EFR3B: variants seen among roughly 807,000 people sequenced by gnomAD.
The protein encoded by EFR3B is protein EFR3 homolog B.
EFR3B carries 64 observed loss-of-function variants against 104.7 expected under a neutral mutation model. That is an observed-to-expected ratio of 0.61 (90% CI 0.50 to 0.75). The LOEUF (loss-of-function observed/expected upper bound fraction) is 0.75, where lower values mean the gene tolerates loss of function less well. Ranked by LOEUF, EFR3B falls within the 30% of genes least tolerant of loss-of-function variation. EFR3B has a pLI of 0.00. For synonymous variants in EFR3B, 385 were observed against 417.9 expected (o/e 0.92, Z 0.96); for missense variants, 750 against 1,078.5 (o/e 0.70, Z 4.27).
At position 25,043,073 on chromosome 2, in the gene EFR3B, A is replaced by G. The variant is rs116400791; in HGVS notation, c.7+754A>G. On this transcript the variant is annotated intron_variant, in intron 1 of 22. Coordinates refer to ENST00000403714, the MANE Select transcript of EFR3B (RefSeq NM_014971.2). ...TTTGCAGGCAGTGTGGGTGAAGAAG[A>G]GAGAGCGCGTTGGGTCCCACATTGC... Among the ~76,000 whole-genome samples the G allele has an allele frequency of 7.7e-3, 1,174 of 152,174 alleles. 14 individuals carry two copies. Among genetic ancestry groups the G allele is most frequent in the African/African-American group, 0.027 (1,132 of 41,504 alleles).
At chr2:25,088,040 G>A (rs138077879) in intron 1 of EFR3B, among the ~76,000 whole-genome samples, 1 of 152,130 alleles carries the variant, frequency 6.6e-6, no homozygotes, top group Admixed American at 6.5e-5. Context: ...CCACCTGTCA[G>A]TTCTTTCACT....
chr2:25,092,131 C>T (rs558257472), intron 2 of EFR3B, among the ~76,000 whole-genome samples: 10 of 151,548 alleles, frequency 6.6e-5, no homozygotes, highest in Admixed American at 3.9e-4. Flanking sequence ...TGCAGTGGCG[C>T]GATCTCGGCT....
chr2:25,067,475 C>G (rs1490141733), intron 1 of EFR3B, among the ~76,000 whole-genome samples: 1 of 150,130 alleles, frequency 6.7e-6, no homozygotes, highest in African/African-American at 2.5e-5. Flanking sequence ...CACTCTGTTG[C>G]CCAGGCTGGA....
Position 25,042,799 on chromosome 2 carries a change from C to A in EFR3B, c.7+480C>A. The stretch of plus-strand genomic sequence containing the variant: ...CAGAGGCCCGGGGAGCAGCCAGTGG[C>A]CGAGTCTCGTCTCGCCCGCCTGAAT... On this transcript the variant is annotated intron_variant, in intron 1 of 22. Coordinates refer to ENST00000403714, the MANE Select transcript of EFR3B (RefSeq NM_014971.2). This position sits in a 1 kb window ranked among gnomAD's most constrained non-coding sequence, Gnocchi z 5.4. 1 of 637,214 alleles carries A rather than the reference C, an allele frequency of 1.6e-6. No homozygotes were observed. The highest frequency in any genetic ancestry group is 2.0e-6 in the Non-Finnish European group (1 of 511,276). The allele number at this position is 637,214 out of a possible 1,614,324, so 39.5% of individuals were successfully genotyped here.
chr2:25,060,206 A>G (rs1668150580), intron 1 of EFR3B, among the ~76,000 whole-genome samples: 1 of 152,208 alleles, frequency 6.6e-6, no homozygotes, highest in Admixed American at 6.5e-5. Context: ...AAAAAAAAAG[A>G]AAAGGCTAAA....
chr2:25,045,056 C>G (rs906895113), intron 1 of EFR3B, among the ~76,000 whole-genome samples: 13 of 152,216 alleles, frequency 8.5e-5, no homozygotes, highest in African/African-American at 2.9e-4. Flanking sequence ...CCTTCCAGGT[C>G]TGTTGTGAGC....
chr2:25,089,362 G>A (rs538359017), intron 1 of EFR3B, among the ~76,000 whole-genome samples: 2 of 152,260 alleles, frequency 1.3e-5, no homozygotes, highest in Non-Finnish European at 2.9e-5. Context: ...TTTGTCCAGC[G>A]CAGGCCTCAG....
At chr2:25,148,730 G>A (rs561024730) in intron 19 of EFR3B, among the ~76,000 whole-genome samples, 17 of 149,946 alleles carry the variant, frequency 1.1e-4, no homozygotes, top group Non-Finnish European at 2.1e-4. Flanking sequence ...AGACCATCCC[G>A]GCTAAAACGG....
rs766818915 is a variant in EFR3B at position 25,131,918 on chromosome 2, CGCGGGGCCGGGCCGGGGCGGG to C, written c.1147+17_1147+37del. 742 of 1,206,492 alleles carry C rather than the reference CGCGGGGCCGGGCCGGGGCGGG, an allele frequency of 6.2e-4. No individual in the cohort carries two copies. Among genetic ancestry groups the C allele is most frequent in the Non-Finnish European group, 7.3e-4 (682 of 939,722 alleles). The allele number at this position is 1,206,492 out of a possible 1,614,324, so 74.7% of individuals were successfully genotyped here. ...GCCGTCATCAAGACCGTGGGTGCGG[CGCGGGGCCGGGCCGGGGCGGG>C]GCGGGGCCGAGGCGCGGAGTGGGGA... is the stretch of plus-strand genomic sequence containing the variant. On this transcript the variant is annotated splice_region_variant and intron_variant, in intron 10 of 22. Transcript: ENST00000403714. This position sits in a 1 kb window ranked among gnomAD's most constrained non-coding sequence, Gnocchi z 7.6.
At position 25,145,425 on chromosome 2, in the gene EFR3B, T is replaced by C. The variant is rs1176591634; in HGVS notation, c.2142+374T>C. On this transcript the variant is annotated intron_variant, in intron 19 of 22. Transcript: ENST00000403714. Reference sequence around the variant, plus strand: ...ATCTCTACAAAAAATAATTGAAAAATCAGCCAGGCATGGTGACGTGCACCT... The same window carrying C: ...ATCTCTACAAAAAATAATTGAAAAACCAGCCAGGCATGGTGACGTGCACCT... 2.2e-5 allele frequency: 7 copies of C among 324,648 alleles called. No individual in the cohort carries two copies. The Admixed American group carries it at 3.1e-4, about 15-fold the overall frequency. 20.1% of individuals were successfully genotyped at this position (324,648 alleles called of 1,614,324 possible). A position where few individuals can be genotyped will look rare whatever the true frequency, so the allele number is the denominator to read the frequency against.
At chr2:25,048,060 G>T (rs1283876614) in intron 1 of EFR3B, among the ~76,000 whole-genome samples, 2 of 152,144 alleles carry the variant, frequency 1.3e-5, no homozygotes, top group Non-Finnish European at 2.9e-5. Context: ...CTCTCCCCCA[G>T]GCTGGAGTGC....
chr2:25,059,572 C>CGG (rs56219617), intron 1 of EFR3B, among the ~76,000 whole-genome samples: 112 of 60,042 alleles, frequency 1.9e-3, no homozygotes, highest in Middle Eastern at 0.012. Flanking sequence ...CCAGGGACTG[C>CGG]GGGGGGGGGG....
chr2:25,118,726 C>CAAAAAA (rs869026900), intron 4 of EFR3B, among the ~76,000 whole-genome samples: 736 of 33,550 alleles, frequency 0.022, 236 homozygotes, highest in Middle Eastern at 0.15. Flanking sequence ...CCTGTCTCTA[C>CAAAAAA]AAAAAAAAAA....
At position 25,121,792 on chromosome 2, in the gene EFR3B, C is replaced by A. The variant is rs1670023575; in HGVS notation, c.483C>A (p.Thr161=). 1 of 1,551,654 alleles carries A rather than the reference C, an allele frequency of 6.4e-7. No homozygotes were observed. The highest frequency in any genetic ancestry group is 8.7e-7 in the Non-Finnish European group (1 of 1,147,016). Residue 161 remains threonine (T), a splice_region_variant and synonymous_variant, in exon 5 of 23, where the codon ACC becomes ACA. Coordinates refer to ENST00000403714, the MANE Select transcript of EFR3B (RefSeq NM_014971.2). ...GCCATGATGACTTAGAAATCAAGAC[C>A]AAGTGAGTAGGGGAAGGCAAGGGTA... ...HSSHDDLEIK[T]KIRMSGIKGL... is the part of the protein sequence containing the mutation.
rs548664085 is a variant in EFR3B at position 25,063,208 on chromosome 2, G to T, written c.7+20889G>T. ...GCCTGCCTCAGCCTCCCGAAGTGCT[G>T]GGATTACAGGCGTGAGCCACTGTGC... On this transcript the variant is annotated intron_variant, in intron 1 of 22. Transcript: ENST00000403714. Among the ~76,000 whole-genome samples, 12 of 152,210 alleles carry T rather than the reference G, an allele frequency of 7.9e-5. No homozygotes were observed. The South Asian group carries it at 2.5e-3, about 32-fold the overall frequency.
chr2:25,071,558 C>A (rs1668498582), intron 1 of EFR3B, among the ~76,000 whole-genome samples: 1 of 152,192 alleles, frequency 6.6e-6, no homozygotes, highest in African/African-American at 2.4e-5. Context: ...TGCACCCAGC[C>A]AGCCAAGCTC....
intron 6 of EFR3B, among the ~76,000 whole-genome samples, chr2:25,128,875 A>G (rs772170590): frequency 7.0e-5 from 10 of 143,570 alleles, no homozygotes; most frequent in Non-Finnish European, 1.4e-4. Context: ...AGGCAGGAGA[A>G]CGGGAGCCCG....
intron 1 of EFR3B, among the ~76,000 whole-genome samples, chr2:25,059,391 A>C (rs1018651227): frequency 3.3e-5 from 5 of 152,094 alleles, no homozygotes; most frequent in Admixed American, 6.6e-5. Context: ...GCCAATATTC[A>C]GTCTTAAAAA....
At chr2:25,064,898 A>G (rs956063109) in intron 1 of EFR3B, among the ~76,000 whole-genome samples, 1 of 152,242 alleles carries the variant, frequency 6.6e-6, no homozygotes, top group African/African-American at 2.4e-5. Context: ...AATACCAACA[A>G]TAAATTAACA....
Sources: gnomAD v4.1 joint callset for allele counts (sites outside exome capture counted in the v4.1 genomes callset) on GRCh38, gnomAD v4.1.1 for gene constraint, Gnocchi (gnomAD v3.1) non-coding constraint, MANE v1.5 for transcripts, NCBI Gene and HGNC (gene_info 2026-07-23, HGNC 2026-07-21) for gene names.